The following PLVAP variants were observed in gnomAD, a reference collection of about 807,000 sequenced individuals.
PLVAP encodes the protein plasmalemma vesicle associated protein, also known as plasmalemma vesicle-associated protein.
Under a neutral mutation model 43.1 loss-of-function variants are expected in PLVAP, and 34 were observed. That is an observed-to-expected ratio of 0.79 (90% confidence interval 0.60 to 1.05). PLVAP has a LOEUF of 1.05. Ranked by LOEUF, PLVAP falls within the 50% of genes least tolerant of loss-of-function variation. PLVAP has a pLI of 0.00. For synonymous variants in PLVAP, 241 were observed against 237.3 expected (o/e 1.02, Z -0.14); for missense variants, 574 against 593.4 (o/e 0.97, Z 0.34).
At chr19:17,371,225 G>T (rs2074570941) in intron 1 of PLVAP, among the ~76,000 whole-genome samples, 1 of 151,268 alleles carries the variant, frequency 6.6e-6, no homozygotes, top group African/African-American at 2.4e-5. Context: ...GCAGCGGTGT[G>T]ATCTCAGCTC....
chr19:17,360,830 C>T lies in PLVAP; in HGVS notation c.1182G>A (p.Ser394=), dbSNP rs148412720. ...GCCTTGACACTGGCATCATCGGCTG[C>T]GACTGTGAAAGAAAGATGGAGGGAG... The part of the protein sequence containing the change: ...SALDTCIKTK[S]QPMMPVSRPM... Residue 394 remains serine (S), a splice_region_variant and synonymous_variant, in exon 4 of 6, where the codon TCG becomes TCA. Transcript: ENST00000252590. 3.0e-5 allele frequency: 48 copies of T among 1,613,300 alleles called. No homozygotes were observed. In the East Asian group the frequency reaches 7.8e-4, roughly 26 times the overall value.
At chr19:17,374,174 TAAAAC>T (rs1302674197) in intron 1 of PLVAP, among the ~76,000 whole-genome samples, 1 of 143,398 alleles carries the variant, frequency 7.0e-6, no homozygotes, top group African/African-American at 2.6e-5. Context: ...CAAAACAAAA[TAAAAC>T]AAAACAGCCG....
chr19:17,370,272 AC>A (rs2074567212), intron 1 of PLVAP, among the ~76,000 whole-genome samples: 1 of 152,152 alleles, frequency 6.6e-6, no homozygotes, highest in Non-Finnish European at 1.5e-5. Flanking sequence ...TTACCACGTG[AC>A]CCAGAAACTC....
intron 1 of PLVAP, among the ~76,000 whole-genome samples, chr19:17,366,775 G>A (rs1261210194): frequency 1.3e-5 from 2 of 151,724 alleles, no homozygotes; most frequent in African/African-American, 2.4e-5. Flanking sequence ...GAGATTACAG[G>A]TGGCTGCCAC....
At chr19:17,358,862 C>T (rs532470523) in intron 5 of PLVAP, among the ~76,000 whole-genome samples, 6 of 151,756 alleles carry the variant, frequency 4.0e-5, no homozygotes, top group Non-Finnish European at 7.4e-5. Context: ...TGCAGGGATG[C>T]GATCTTGGCT....
In PLVAP at chr19:17,352,151, C is replaced by G. The variant is rs538049174; in HGVS notation, c.*211G>C. On this transcript the variant is annotated 3_prime_UTR_variant, in exon 6 of 6. Coordinates refer to ENST00000252590, the MANE Select transcript of PLVAP (RefSeq NM_031310.3). ...CGCCGTTGCTTGCGTGACGTCATCTCCGCGGCCGTGTGCTCTGGGTGAGGG... is the reference window on the plus strand; with the variant it reads ...CGCCGTTGCTTGCGTGACGTCATCTGCGCGGCCGTGTGCTCTGGGTGAGGG... 1.3e-5 allele frequency: 8 copies of G among 636,390 alleles called. No individual in the cohort carries two copies. In the African/African-American group the frequency reaches 1.4e-4, roughly 12 times the overall value. 39.4% of individuals were successfully genotyped at this position (636,390 alleles called of 1,614,324 possible).
intron 3 of PLVAP, among the ~76,000 whole-genome samples, chr19:17,364,711 C>G (rs2074541263): frequency 6.6e-6 from 1 of 151,628 alleles, no homozygotes; most frequent in Admixed American, 6.6e-5. Flanking sequence ...AATTCTAGAT[C>G]CAACCCTTCA....
intron 5 of PLVAP, among the ~76,000 whole-genome samples, chr19:17,356,057 C>T (rs993694303): frequency 2.6e-5 from 4 of 152,080 alleles, no homozygotes; most frequent in African/African-American, 9.7e-5. Flanking sequence ...GCCTGTAATC[C>T]CAGAACTTTG....
chr19:17,372,684 C>T (rs965994592), intron 1 of PLVAP, among the ~76,000 whole-genome samples: 2 of 150,724 alleles, frequency 1.3e-5, no homozygotes, highest in Admixed American at 1.3e-4. Flanking sequence ...TCTCGATCTC[C>T]TGACCTAGTG....
At chr19:17,357,151 C>T (rs1051898237) in intron 5 of PLVAP, among the ~76,000 whole-genome samples, 1 of 151,420 alleles carries the variant, frequency 6.6e-6, no homozygotes, top group Non-Finnish European at 1.5e-5. Context: ...AAAAATTAGC[C>T]AGGTGTGGTG....
rs756174826 is a variant in PLVAP at position 17,365,368 on chromosome 19, T to C, written c.1097A>G (p.Glu366Gly). 1 of 1,613,440 alleles carries C rather than the reference T, an allele frequency of 6.2e-7. No individual in the cohort carries two copies. The highest frequency in any genetic ancestry group is 8.5e-7 in the Non-Finnish European group (1 of 1,180,034). Residue 366 changes from glutamate to glycine, a missense_variant, in exon 3 of 6, where the codon GAA becomes GGA. Glu to Gly is a moderately conservative substitution (Grantham distance 98). Transcript: ENST00000252590. The part of the protein sequence containing the change: ...KERDNLAKEL[E>G]EKKREAEQLR... ...CTGCTCCGCCTCCCTCTTCTTCTCT[T>C]CCAGCTCCTTGGCCAGGTTGTCTCG...
rs1485196057 is a variant in PLVAP, at chr19:17,374,209, G to A, written c.369+2711C>T. On this transcript the variant is annotated intron_variant, in intron 1 of 5. Coordinates refer to ENST00000252590, the MANE Select transcript of PLVAP (RefSeq NM_031310.3). ...CAGCCGGGAACGGTGGCTCACGCCT[G>A]TAATCCCAGCACTTTGGGAGGCCGA... Among the ~76,000 whole-genome samples the A allele has an allele frequency of 5.9e-5, 9 of 152,052 alleles. No individual in the cohort carries two copies. In the East Asian group the frequency reaches 1.5e-3, roughly 26 times the overall value.
chr19:17,360,914 C>CTTTTTTTT, intron 3 of PLVAP, 82 bp from the exon 4 acceptor site: 1 of 904,270 alleles, frequency 1.1e-6, no homozygotes, highest in Non-Finnish European at 1.6e-6. Flanking sequence ...TTTTCTTTTT[C>CTTTTTTTT]TTTTTTTTTT....
At chr19:17,354,791 A>C (rs1248770280) in intron 5 of PLVAP, among the ~76,000 whole-genome samples, 1 of 146,570 alleles carries the variant, frequency 6.8e-6, no homozygotes, top group Non-Finnish European at 1.5e-5. Flanking sequence ...CCAGCTACTC[A>C]GGAGGCTGAG....
Position 17,376,573 on chromosome 19 carries a change from G to A in PLVAP, c.369+347C>T, listed in dbSNP as rs190511110. 1.1e-3 allele frequency among the ~76,000 whole-genome samples: 165 copies of A among 152,162 alleles called. No homozygotes were observed. In the East Asian group the frequency reaches 0.027, roughly 25 times the overall value. ...AACAATTTGGGAGGCCAAGGCAGGC[G>A]TATCACTTGAGGTCAGGAGTTTGAG... On this transcript the variant is annotated intron_variant, in intron 1 of 5. Coordinates refer to ENST00000252590, the MANE Select transcript of PLVAP (RefSeq NM_031310.3).
At chr19:17,356,129 T>C (rs1254474325) in intron 5 of PLVAP, among the ~76,000 whole-genome samples, 2 of 152,026 alleles carry the variant, frequency 1.3e-5, no homozygotes, top group East Asian at 3.9e-4. Context: ...GCTAATGTGG[T>C]GAAACCCTGT....
intron 3 of PLVAP, chr19:17,362,794 G>C (rs963073176): frequency 6.6e-6 from 1 of 152,146 alleles, no homozygotes; most frequent in Non-Finnish European, 1.5e-5. Context: ...GAAATCCTAA[G>C]TGAAATCCTA....
In PLVAP at chr19:17,372,437, TTAAA is replaced by T. The variant is rs1230745433; in HGVS notation, c.369+4479_369+4482del. 2.0e-5 allele frequency among the ~76,000 whole-genome samples: 3 copies of T among 149,220 alleles called. No individual in the cohort carries two copies. The East Asian group carries it at 5.9e-4, about 29-fold the overall frequency. On this transcript the variant is annotated intron_variant, in intron 1 of 5. Coordinates refer to ENST00000252590, the MANE Select transcript of PLVAP (RefSeq NM_031310.3). ...AATAGTAATAATAATAATAAAATAA[TTAAA>T]TAATGTTTTTATTTATTTATTTATT...
intron 1 of PLVAP, among the ~76,000 whole-genome samples, chr19:17,366,788 C>A (rs894857773): frequency 6.6e-6 from 1 of 151,774 alleles, no homozygotes; most frequent in Non-Finnish European, 1.5e-5. Context: ...GCTGCCACCA[C>A]GACTGGCTAA....
Sources: allele counts gnomAD v4.1 joint callset (sites outside exome capture counted in the v4.1 genomes callset), GRCh38; gene constraint gnomAD v4.1.1; transcripts MANE v1.5; gene names NCBI Gene and HGNC (gene_info 2026-07-23, HGNC 2026-07-21).